Variants in RBPJ observed in about 807,000 individuals in gnomAD.
The protein encoded by RBPJ is recombination signal binding protein for immunoglobulin kappa J region.
RBPJ carries 9 observed loss-of-function variants against 67.8 expected under a neutral mutation model. The ratio of observed to expected loss-of-function variants is 0.13; its 90% CI spans 0.08 to 0.23. The LOEUF (loss-of-function observed/expected upper bound fraction) is 0.23, where lower values mean the gene tolerates loss of function less well. Ranked by LOEUF, RBPJ falls within the 10% of genes least tolerant of loss-of-function variation. The probability of loss-of-function intolerance (pLI) is 1.00; values close to 1 mark genes in which losing one functional copy is unlikely to be tolerated. For synonymous variants in RBPJ, 198 were observed against 203.3 expected (o/e 0.97, Z 0.22); for missense variants, 305 against 595.6 (o/e 0.51, Z 5.08).
intron 1 of RBPJ, among the ~76,000 whole-genome samples, chr4:26,270,280 C>CGGAAA (rs1279817560): frequency 9.4e-6 from 1 of 106,170 alleles, no homozygotes; most frequent in Non-Finnish European, 1.7e-5. Context: ...AAGATTTTGT[C>CGGAAA]GGAAAGGAAA....
Position 26,233,695 on chromosome 4 carries a change from T to C in RBPJ, c.-167+70081T>C, listed in dbSNP as rs1179096856. Among the ~76,000 whole-genome samples, 4 of 152,346 alleles carry C rather than the reference T, an allele frequency of 2.6e-5. No homozygotes were observed. In the East Asian group the frequency reaches 7.7e-4, roughly 29 times the overall value. The stretch of plus-strand genomic sequence containing the variant: ...GCAAATAAAACAGGCACAGGCTATA[T>C]GCCGTTATGCAAAGCACTGATATCA... On this transcript the variant is annotated intron_variant, in intron 1 of 4. Transcript: ENST00000512351.
At chr4:26,110,694 G>A in the RBPJ span, among the ~76,000 whole-genome samples, 1 of 152,210 alleles carries the variant, frequency 6.6e-6, no homozygotes, top group Non-Finnish European at 1.5e-5. This position sits in a 1 kb window ranked among gnomAD's most constrained non-coding sequence, Gnocchi z 4.5. Flanking sequence ...ACCATGTTGA[G>A]GCTTTCACAC....
chr4:26,401,044 TC>T (rs1191618239), intron 2 of RBPJ, among the ~76,000 whole-genome samples: 3 of 152,248 alleles, frequency 2.0e-5, no homozygotes, highest in South Asian at 2.1e-4. Context: ...AGTCCCATTT[TC>T]CCTCCCTCTG....
At chr4:26,269,660 T>C (rs1486707467) in intron 1 of RBPJ, among the ~76,000 whole-genome samples, 1 of 152,198 alleles carries the variant, frequency 6.6e-6, no homozygotes, top group Non-Finnish European at 1.5e-5. Context: ...GGACTCTGTC[T>C]CAATTCATTC....
chr4:26,255,568 C>T (rs1178170471), intron 1 of RBPJ, among the ~76,000 whole-genome samples: 5 of 150,340 alleles, frequency 3.3e-5, no homozygotes, highest in Admixed American at 1.3e-4. Flanking sequence ...TTTGGGAGGC[C>T]AAGGCGGGCG....
At chr4:26,230,311 A>G (rs1484634224) in intron 1 of RBPJ, among the ~76,000 whole-genome samples, 1 of 152,206 alleles carries the variant, frequency 6.6e-6, no homozygotes, top group Non-Finnish European at 1.5e-5. Flanking sequence ...ATTCAGGCAA[A>G]CTTCGGTTTT....
chr4:26,383,248 A>G (rs116533418), intron 1 of RBPJ, among the ~76,000 whole-genome samples: 192 of 152,330 alleles, frequency 1.3e-3, no homozygotes, highest in African/African-American at 4.4e-3. Context: ...GGACTTAGAT[A>G]TTTTAATTAA....
chr4:26,175,634 G>C (rs1456940086), intron 1 of RBPJ, among the ~76,000 whole-genome samples: 2 of 152,178 alleles, frequency 1.3e-5, no homozygotes, highest in African/African-American at 4.8e-5. Context: ...GGTTTCCCTG[G>C]GGTTGGTGTC....
chr4:26,188,743 G>C (rs950902130), intron 1 of RBPJ, among the ~76,000 whole-genome samples: 2 of 151,044 alleles, frequency 1.3e-5, no homozygotes, highest in Non-Finnish European at 3.0e-5. Flanking sequence ...TGACTTTATT[G>C]TTCAATTTAA....
At chr4:26,404,223 TG>T (rs1733156433) in intron 2 of RBPJ, among the ~76,000 whole-genome samples, 1 of 152,198 alleles carries the variant, frequency 6.6e-6, no homozygotes, top group Admixed American at 6.5e-5. Context: ...TACTTTTTAA[TG>T]GGGTTGTTTG....
upstream of RBPJ, among the ~76,000 whole-genome samples, chr4:26,160,275 T>C (rs1716052889): frequency 6.6e-6 from 1 of 152,202 alleles, no homozygotes; most frequent in Non-Finnish European, 1.5e-5. Context: ...CTGCAATTCA[T>C]TTCACTGGCC....
intron 1 of RBPJ, among the ~76,000 whole-genome samples, chr4:26,255,076 A>G (rs1361092447): frequency 6.9e-6 from 1 of 144,012 alleles, no homozygotes; most frequent in Non-Finnish European, 1.5e-5. Flanking sequence ...CTATATAAAC[A>G]CTTCTGTTAC....
At chr4:26,107,546 G>A in the RBPJ span, among the ~76,000 whole-genome samples, 43 of 152,338 alleles carry the variant, frequency 2.8e-4, no homozygotes, top group African/African-American at 8.2e-4. Context: ...ATAGAAAACC[G>A]CAGCACTGAA....
intron 1 of RBPJ, among the ~76,000 whole-genome samples, chr4:26,284,335 C>T (rs1441983527): frequency 6.6e-6 from 1 of 152,190 alleles, no homozygotes; most frequent in African/African-American, 2.4e-5. Flanking sequence ...AATTGAGATT[C>T]TTCAGCCTCC....
chr4:26,212,272 T>C (rs901414843), intron 1 of RBPJ, among the ~76,000 whole-genome samples: 4 of 152,096 alleles, frequency 2.6e-5, no homozygotes, highest in African/African-American at 7.2e-5. Context: ...TATTTTATTA[T>C]ATACATATGC....
At chr4:26,306,782 A>G (rs1029168851) in intron 1 of RBPJ, among the ~76,000 whole-genome samples, 9 of 152,002 alleles carry the variant, frequency 5.9e-5, no homozygotes, top group African/African-American at 2.2e-4. Flanking sequence ...ATGTGTCAGA[A>G]AATTCAAATG....
rs540173009 is a variant in RBPJ at position 26,310,795 on chromosome 4, G to C, written c.-166-51651G>C. On this transcript the variant is annotated intron_variant, in intron 1 of 4. Coordinates refer to the RBPJ transcript ENST00000512351. ...AGTGAGTCTCCTGCCTCAGCCTCCC[G>C]AGTAGCTGGGATTACAGGCGCCTGC... is the stretch of plus-strand genomic sequence containing the variant. Among the ~76,000 whole-genome samples, 144 of 151,352 alleles carry C rather than the reference G, an allele frequency of 9.5e-4. 2 individuals are homozygous for C. The highest frequency in any genetic ancestry group is 3.2e-3 in the African/African-American group (133 of 41,210).
chr4:26,320,884 C>CGCG (rs1046589531), upstream of RBPJ: 97 of 1,580,980 alleles, frequency 6.1e-5, no homozygotes, highest in South Asian at 3.0e-4. Context: ...TCTGGCTCTT[C>CGCG]GCGGCGGCGG....
intron 1 of RBPJ, among the ~76,000 whole-genome samples, chr4:26,336,539 A>G (rs1265972095): frequency 6.6e-6 from 1 of 151,968 alleles, no homozygotes; most frequent in African/African-American, 2.4e-5. Context: ...AGTCCTACCT[A>G]CTTGGGAGGC....
Sources: gnomAD v4.1 joint callset for allele counts (sites outside exome capture counted in the v4.1 genomes callset) on GRCh38, gnomAD v4.1.1 for gene constraint, Gnocchi (gnomAD v3.1) non-coding constraint, MANE v1.5 for transcripts, NCBI Gene and HGNC (gene_info 2026-07-23, HGNC 2026-07-21) for gene names.